TMTC2: variants seen among roughly 807,000 people sequenced by gnomAD.
TMTC2 encodes the protein transmembrane O-mannosyltransferase targeting cadherins 2, also known as protein O-mannosyl-transferase TMTC2.
Under a neutral mutation model 82.4 loss-of-function variants are expected in TMTC2, and 43 were observed. The ratio of observed to expected loss-of-function variants is 0.52; its 90% CI spans 0.41 to 0.67. The LOEUF (loss-of-function observed/expected upper bound fraction) is 0.67. TMTC2 is among the 30% of genes least tolerant of loss of function. TMTC2 has a pLI of 0.00. For missense variants in TMTC2, 919 were observed against 1,012.4 expected (o/e 0.91, Z 1.25); for synonymous variants, 408 against 381.9 (o/e 1.07, Z -0.80).
At chr12:82,757,907 G>C (rs550773639) in intron 1 of TMTC2, among the ~76,000 whole-genome samples, 75 of 152,278 alleles carry the variant, frequency 4.9e-4, no homozygotes, top group Non-Finnish European at 8.5e-4. Flanking sequence ...CATAGATAAT[G>C]ACAAGAGAAG....
intron 11 of TMTC2, among the ~76,000 whole-genome samples, chr12:83,123,898 C>A (rs1885029991): frequency 1.3e-5 from 2 of 152,058 alleles, no homozygotes; most frequent in African/African-American, 4.8e-5. Context: ...AAATAATATC[C>A]CCTCTCCCCC....
At chr12:82,883,055 CAAAAAAAAAAAAAAAAAA>C (rs66496024) in intron 2 of TMTC2, among the ~76,000 whole-genome samples, 10 of 68,354 alleles carry the variant, frequency 1.5e-4, no homozygotes, top group African/African-American at 3.2e-4. Context: ...AACTTGGTCT[CAAAAAAAAAAAAAAAAAA>C]AAAAAAAAAC....
At chr12:83,085,999 A>T (rs1883640892) in intron 11 of TMTC2, among the ~76,000 whole-genome samples, 1 of 152,136 alleles carries the variant, frequency 6.6e-6, no homozygotes, top group Non-Finnish European at 1.5e-5. Context: ...GCTGCACATC[A>T]CGAATTGCCT....
intron 8 of TMTC2, among the ~76,000 whole-genome samples, chr12:83,006,760 A>G (rs1880223572): frequency 1.3e-5 from 2 of 152,212 alleles, no homozygotes; most frequent in African/African-American, 2.4e-5. Flanking sequence ...ATACCATGGA[A>G]TGCTATGCAG....
chr12:82,753,118 A>G (rs996392861), intron 1 of TMTC2, among the ~76,000 whole-genome samples: 10 of 152,160 alleles, frequency 6.6e-5, no homozygotes, highest in Non-Finnish European at 1.0e-4. Context: ...TTAAAGAAGC[A>G]TTCAGGCAGA....
At chr12:82,785,262 C>T (rs752479602) in intron 1 of TMTC2, among the ~76,000 whole-genome samples, 9 of 151,812 alleles carry the variant, frequency 5.9e-5, no homozygotes, top group African/African-American at 1.7e-4. Context: ...GAAATGCAGT[C>T]GGGAAGGAAT....
intron 3 of TMTC2, among the ~76,000 whole-genome samples, chr12:82,922,448 A>T (rs549768648): frequency 1.8e-4 from 27 of 152,340 alleles, no homozygotes; most frequent in African/African-American, 6.3e-4. Context: ...TTTTAAAAGA[A>T]GATGATGTGT....
At chr12:82,957,587 G>A (rs1877683527) in intron 4 of TMTC2, among the ~76,000 whole-genome samples, 1 of 151,954 alleles carries the variant, frequency 6.6e-6, no homozygotes. Flanking sequence ...GAACCCAAAA[G>A]TTGGTTTTTT....
rs750327519 is a variant in TMTC2 at position 83,040,679 on chromosome 12, CT to C, written c.2152+9819del. Among the ~76,000 whole-genome samples the C allele has an allele frequency of 3.8e-3, 469 of 124,204 alleles. 1 individual carries two copies. The highest frequency in any genetic ancestry group is 0.012 in the African/African-American group (382 of 32,918). 81.5% of individuals were successfully genotyped at this position (124,204 alleles called of 152,430 possible). On this transcript the variant is annotated intron_variant, in intron 9 of 11. Transcript: ENST00000321196. Reference sequence around the variant, plus strand: ...CAATCAACTTTTTTTCTGTCCTTTTCTTTTTTTTTTTTTTTTTTTCTTTTGA... The same window carrying C: ...CAATCAACTTTTTTTCTGTCCTTTTCTTTTTTTTTTTTTTTTTTCTTTTGA...
rs539176432 is a variant in TMTC2, at chr12:82,778,805, C to T, written c.84-78205C>T. Among the ~76,000 whole-genome samples the T allele has an allele frequency of 1.1e-4, 16 of 140,814 alleles. No homozygotes were observed. In the South Asian group the frequency reaches 1.8e-3, roughly 16 times the overall value. 92.4% of individuals were successfully genotyped at this position (140,814 alleles called of 152,430 possible). ...CGGAGCTTGCAGTGAGCCGAGATCC[C>T]GCCACTGCACTCCAGCCTAGGCGAC... On this transcript the variant is annotated intron_variant, in intron 1 of 11. Coordinates refer to ENST00000321196, the MANE Select transcript of TMTC2 (RefSeq NM_152588.3).
chr12:82,853,389 C>T (rs1379286420), intron 1 of TMTC2, among the ~76,000 whole-genome samples: 1 of 152,162 alleles, frequency 6.6e-6, no homozygotes, highest in Non-Finnish European at 1.5e-5. Flanking sequence ...AGGCATGAGC[C>T]ACCATGCCCG....
At chr12:82,720,557 G>A (rs1324194317) in intron 1 of TMTC2, among the ~76,000 whole-genome samples, 1 of 152,156 alleles carries the variant, frequency 6.6e-6, no homozygotes. Flanking sequence ...TATTTTACAA[G>A]TTTTTCCTTG....
intron 11 of TMTC2, among the ~76,000 whole-genome samples, chr12:83,094,275 C>T (rs1002598996): frequency 6.6e-6 from 1 of 152,170 alleles, no homozygotes; most frequent in African/African-American, 2.4e-5. Context: ...CTTGGCTGAG[C>T]CTTGGAAGAG....
At chr12:83,094,919 C>A (rs10431415) in intron 11 of TMTC2, among the ~76,000 whole-genome samples, 12 of 151,836 alleles carry the variant, frequency 7.9e-5, no homozygotes, top group African/African-American at 2.4e-4. Context: ...GAGGAGGGTT[C>A]GGGGATGGAG....
chr12:82,786,711 G>A (rs1014381007), intron 1 of TMTC2, among the ~76,000 whole-genome samples: 10 of 152,092 alleles, frequency 6.6e-5, no homozygotes, highest in Non-Finnish European at 1.2e-4. Flanking sequence ...CAGTGATCTG[G>A]GCCTGGCATC....
intron 3 of TMTC2, among the ~76,000 whole-genome samples, chr12:82,914,036 C>T (rs573923095): frequency 2.4e-3 from 364 of 152,166 alleles, no homozygotes; most frequent in Non-Finnish European, 4.1e-3. Flanking sequence ...TCAAGGGTGA[C>T]ATGTATTTGC....
At chr12:83,132,160 G>T in intron 11 of TMTC2, 50 bp from the exon 12 acceptor site, 1 of 1,541,374 alleles carries the variant, frequency 6.5e-7, no homozygotes, top group South Asian at 1.3e-5. Context: ...TTCCATGAAG[G>T]AAAGCTTGAA....
At chr12:82,882,257 C>G (rs894377815) in intron 2 of TMTC2, among the ~76,000 whole-genome samples, 1 of 151,930 alleles carries the variant, frequency 6.6e-6, no homozygotes, top group Non-Finnish European at 1.5e-5. Flanking sequence ...CCTCGGCCTC[C>G]CAAAGTGCTG....
rs187379595 is a variant in TMTC2, at chr12:82,951,448, G to A, written c.1599-13576G>A. On this transcript the variant is annotated intron_variant, in intron 4 of 11. Transcript: ENST00000321196. ...TGGGACTACAGGCACATGCCGCCAC[G>A]CCCAGCTATTTTGTTGTTGTTGTTT... 1.1e-4 allele frequency among the ~76,000 whole-genome samples: 16 copies of A among 152,064 alleles called. No homozygotes were observed. The East Asian group carries it at 2.1e-3, about 20-fold the overall frequency.
Sources: gnomAD v4.1 joint callset for allele counts (sites outside exome capture counted in the v4.1 genomes callset) on GRCh38, gnomAD v4.1.1 for gene constraint, MANE v1.5 for transcripts, NCBI Gene and HGNC (gene_info 2026-07-23, HGNC 2026-07-21) for gene names.